C16orf95: variants seen among roughly 807,000 people sequenced by gnomAD.
The protein encoded by C16orf95 is uncharacterized protein C16orf95.
Under a neutral mutation model 32.1 loss-of-function variants are expected in C16orf95, and 41 were observed. The ratio of observed to expected loss-of-function variants is 1.28; its 90% CI spans 1.00 to 1.66. C16orf95 has a LOEUF of 1.66. Ranked by LOEUF, C16orf95 falls within the 40% of genes most tolerant of loss-of-function variation. The pLI is 0.00. For missense variants in C16orf95, 399 were observed against 325.9 expected (o/e 1.22, Z -1.73); for synonymous variants, 147 against 128.9 (o/e 1.14, Z -0.95).
intron 4 of C16orf95, 106 bp from the exon 5 acceptor site, chr16:87,310,439 G>T: frequency 8.7e-7 from 1 of 1,149,394 alleles, no homozygotes; most frequent in Non-Finnish European, 1.2e-6. Context: ...GCCAGCTCAA[G>T]ATAAAAGCCA....
intron 1 of C16orf95, among the ~76,000 whole-genome samples, 156 bp from the exon 2 acceptor site, chr16:87,315,979 G>A (rs964023695): frequency 6.6e-6 from 1 of 152,294 alleles, no homozygotes; most frequent in East Asian, 1.9e-4. Flanking sequence ...AGAAGAGTGA[G>A]AGGGTGACAT....
intron 1 of C16orf95, among the ~76,000 whole-genome samples, chr16:87,316,574 G>T (rs1904344614): frequency 6.6e-6 from 1 of 152,108 alleles, no homozygotes; most frequent in African/African-American, 2.4e-5. Context: ...CTTGAAAACA[G>T]AGGATGGGGC....
intron 1 of C16orf95, among the ~76,000 whole-genome samples, chr16:87,316,734 AG>A (rs1244001787): frequency 6.6e-6 from 1 of 152,170 alleles, no homozygotes; most frequent in Non-Finnish European, 1.5e-5. Context: ...GGGAAAAAAA[AG>A]AATCTCCTTT....
chr16:87,310,290 G>A lies in C16orf95; in HGVS notation c.514+7C>T, dbSNP rs1176561702. The A allele has an allele frequency of 1.3e-6, 2 of 1,536,072 alleles. No individual in the cohort carries two copies. The highest frequency in any genetic ancestry group is 1.7e-6 in the Non-Finnish European group (2 of 1,146,866). ...GATGATATGAGACACACACACACTG[G>A]AGTTACCTTGGATGCCTTTCAAACT... On this transcript the variant is annotated splice_region_variant and intron_variant, in intron 5 of 6. Transcript: ENST00000567970.
chr16:87,316,650 G>T (rs116603932), intron 1 of C16orf95, among the ~76,000 whole-genome samples: 2 of 145,970 alleles, frequency 1.4e-5, no homozygotes, highest in East Asian at 1.9e-4. Flanking sequence ...CTGGTGGGGA[G>T]GGGGGGGGCC....
intron 5 of C16orf95, 114 bp downstream of exon 5, chr16:87,310,183 C>T: frequency 9.4e-7 from 1 of 1,064,390 alleles, no homozygotes; most frequent in African/African-American, 1.6e-5. Flanking sequence ...ATGTCACTGT[C>T]ACACTGTGGG....
chr16:87,313,678 G>C (rs921854121), intron 3 of C16orf95, among the ~76,000 whole-genome samples: 1 of 152,096 alleles, frequency 6.6e-6, no homozygotes. Flanking sequence ...AGTTTGTAGT[G>C]AGCCATGATT....
At chr16:87,304,332 G>A (rs111564969) in intron 6 of C16orf95, among the ~76,000 whole-genome samples, 1 of 92,498 alleles carries the variant, frequency 1.1e-5, no homozygotes, top group Non-Finnish European at 2.8e-5. Flanking sequence ...TGGGATCCAG[G>A]TGTGGGCCAC....
Position 87,311,495 on chromosome 16 carries a change from C to T in C16orf95, c.331-199G>A, listed in dbSNP as rs1197276980. ...ACTGTGGTCTACCCTCTACAACATG[C>T]CCACTGTTGGGAGACACGGGACCTC... On this transcript the variant is annotated intron_variant, in intron 3 of 6. Transcript: ENST00000567970. Among the ~76,000 whole-genome samples, 4 of 152,236 alleles carry T rather than the reference C, an allele frequency of 2.6e-5. No homozygotes were observed. In the East Asian group the frequency reaches 7.7e-4, roughly 29 times the overall value.
chr16:87,303,275 A>G, intron 6 of C16orf95, 200 bp from the exon 7 acceptor site: 1 of 577,760 alleles, frequency 1.7e-6, no homozygotes, highest in East Asian at 2.8e-5. Flanking sequence ...TTCCAGCCGC[A>G]GGACTGGGGT....
chr16:87,310,327 T>C lies in C16orf95; in HGVS notation c.484A>G (p.Arg162Gly), dbSNP rs1222058698. 2 of 1,536,100 alleles carry C rather than the reference T, an allele frequency of 1.3e-6. No homozygotes were observed. Among genetic ancestry groups the C allele is most frequent in the African/African-American group, 1.4e-5 (1 of 73,164 alleles). The stretch of plus-strand genomic sequence containing the variant: ...ATGCCTTTCAAACTCTGCTGCCTCC[T>C]GACTATCTAAAAGACAAGAATGGAG... ...QVLRSQQQIV[R>G]RQQSLKGIQA... Residue 162 changes from arginine to glycine, a missense_variant, in exon 5 of 7, where the codon AGG (arginine) becomes GGG (glycine). By Grantham distance (125) the Arg-to-Gly change is moderately radical (BLOSUM62 -2). Transcript: ENST00000567970.
intron 6 of C16orf95, 91 bp from the exon 7 acceptor site, chr16:87,303,166 G>T: frequency 3.2e-6 from 4 of 1,262,828 alleles, no homozygotes; most frequent in Non-Finnish European, 3.3e-6. Flanking sequence ...CTCCATGAGC[G>T]GAAGGCAGAG....
intron 1 of C16orf95, among the ~76,000 whole-genome samples, chr16:87,316,465 G>C (rs956542534): frequency 1.3e-5 from 2 of 152,152 alleles, no homozygotes; most frequent in African/African-American, 2.4e-5. Flanking sequence ...CCGTAAGAGC[G>C]ATATAAGTGT....
At chr16:87,309,029 G>A (rs1025336687) in intron 5 of C16orf95, among the ~76,000 whole-genome samples, 7 of 152,126 alleles carry the variant, frequency 4.6e-5, no homozygotes, top group African/African-American at 9.7e-5. Context: ...CTTCAACATC[G>A]CCTCATCCCT....
Position 87,305,730 on chromosome 16 carries a change from G to C in C16orf95, c.690C>G (p.Ile230Met), listed in dbSNP as rs1288656142. The C allele has an allele frequency of 1.3e-6, 2 of 1,507,522 alleles. No individual in the cohort carries two copies. The highest frequency in any genetic ancestry group is 1.8e-6 in the Non-Finnish European group (2 of 1,133,692). The allele number at this position is 1,507,522 out of a possible 1,614,324, so 93.4% of individuals were successfully genotyped here. ...LTLLQAIPRV[I>M]MAIRQCFGV The stretch of plus-strand genomic sequence containing the variant: ...CCCCACCTGCTCACCGAATGGCCAT[G>C]ATGACCCTCGGGATGGCCTGGAGGA... Residue 230 changes from isoleucine to methionine, a missense_variant, in exon 6 of 7, where the codon ATC becomes ATG. By Grantham distance (10) the Ile-to-Met change is conservative (BLOSUM62 1). Transcript: ENST00000567970. The surrounding 1 kb of genome is among the most constrained non-coding windows in gnomAD (Gnocchi z 4.2).
At chr16:87,311,622 C>T (rs1284055768) in intron 3 of C16orf95, among the ~76,000 whole-genome samples, 2 of 152,220 alleles carry the variant, frequency 1.3e-5, no homozygotes, top group African/African-American at 4.8e-5. Flanking sequence ...CTGGTGGTCT[C>T]CAGCTGGGGC....
At chr16:87,313,475 T>C (rs912528460) in intron 3 of C16orf95, among the ~76,000 whole-genome samples, 4 of 152,226 alleles carry the variant, frequency 2.6e-5, no homozygotes, top group African/African-American at 9.7e-5. Context: ...AGCTCATGCC[T>C]GTAATCCCAG....
At chr16:87,312,610 A>AAAAAAAAAACC in intron 3 of C16orf95, among the ~76,000 whole-genome samples, 1 of 152,066 alleles carries the variant, frequency 6.6e-6, no homozygotes, top group East Asian at 1.9e-4. Flanking sequence ...AGAAAAAGAA[A>AAAAAAAAAACC]AACTGAATGC....
At chr16:87,309,967 T>G (rs1469545382) in intron 5 of C16orf95, among the ~76,000 whole-genome samples, 1 of 152,208 alleles carries the variant, frequency 6.6e-6, no homozygotes, top group Non-Finnish European at 1.5e-5. Context: ...ACACACATAC[T>G]ATGTCATAAA....
Sources: allele counts gnomAD v4.1 joint callset (sites outside exome capture counted in the v4.1 genomes callset), GRCh38; gene constraint gnomAD v4.1.1; non-coding constraint Gnocchi (gnomAD v3.1); transcripts MANE v1.5; gene names NCBI Gene and HGNC (gene_info 2026-07-23, HGNC 2026-07-21).